Variants in NUP93 observed in about 807,000 individuals in gnomAD.
The protein encoded by NUP93 is nucleoporin 93.
NUP93 carries 55 observed loss-of-function variants against 107.8 expected under a neutral mutation model. That is an observed-to-expected ratio of 0.51 (90% CI 0.41 to 0.64). The LOEUF (loss-of-function observed/expected upper bound fraction) is 0.64, where lower values mean the gene tolerates loss of function less well. Among genes scored for constraint, NUP93 ranks in the 30% least tolerant of loss-of-function variants. NUP93 has a pLI of 0.00. For synonymous variants in NUP93, 390 were observed against 397.5 expected (o/e 0.98, Z 0.22); for missense variants, 937 against 1,044.7 (o/e 0.90, Z 1.42).
rs542472718 is a variant in NUP93, at chr16:56,836,722, A to C, written c.1899+5A>C. 5.6e-5 allele frequency: 88 copies of C among 1,583,356 alleles called. No individual in the cohort carries two copies. The South Asian group carries it at 9.3e-4, about 17-fold the overall frequency. ...AAGCTGTATGACCTTGCCAAGGTAA[A>C]GTGTGCCCACTTCCTTCTTTTGCAC... is the stretch of plus-strand genomic sequence containing the variant. On this transcript the variant is annotated splice_donor_5th_base_variant and intron_variant, in intron 17 of 21. Transcript: ENST00000308159.
Position 56,785,565 on chromosome 16 carries a change from A to G in NUP93, c.298-12911A>G, listed in dbSNP as rs115419395. Among the ~76,000 whole-genome samples the G allele has an allele frequency of 5.1e-3, 772 of 152,334 alleles. 11 individuals carry two copies. Among genetic ancestry groups the G allele is most frequent in the African/African-American group, 0.018 (743 of 41,568 alleles). ...GTATCAAACCTTTTACTGCTCTGACAGTACCATAATGTGGATAAGCAAGCA... is the reference window on the plus strand; with the variant it reads ...GTATCAAACCTTTTACTGCTCTGACGGTACCATAATGTGGATAAGCAAGCA... On this transcript the variant is annotated intron_variant, in intron 3 of 21. Coordinates refer to ENST00000308159, the MANE Select transcript of NUP93 (RefSeq NM_014669.5).
chr16:56,837,453 C>T (rs1294657198), intron 17 of NUP93, among the ~76,000 whole-genome samples, 155 bp from the exon 18 acceptor site: 1 of 152,214 alleles, frequency 6.6e-6, no homozygotes, highest in Non-Finnish European at 1.5e-5. Context: ...ATCCCAGCTG[C>T]TCAGGAGGCT....
At chr16:56,750,780 A>G (rs576600926) in intron 2 of NUP93, among the ~76,000 whole-genome samples, 73 of 152,324 alleles carry the variant, frequency 4.8e-4, no homozygotes, top group Admixed American at 1.3e-3. Context: ...AATGTTTACT[A>G]TCTGCTGTTT....
In NUP93 at chr16:56,789,836, C is replaced by T. The variant is rs138146609; in HGVS notation, c.298-8640C>T. Among the ~76,000 whole-genome samples, 1,077 of 152,286 alleles carry T rather than the reference C, an allele frequency of 7.1e-3. 15 individuals carry two copies. Among genetic ancestry groups the T allele is most frequent in the African/African-American group, 0.024 (1,013 of 41,540 alleles). On this transcript the variant is annotated intron_variant, in intron 3 of 21. Coordinates refer to ENST00000308159, the MANE Select transcript of NUP93 (RefSeq NM_014669.5). ...CAACAGGGCCAGGTGCAGTGGCTCACGCCTGTAATTCCTGCACTTTGGGAG... is the reference window on the plus strand; with the variant it reads ...CAACAGGGCCAGGTGCAGTGGCTCATGCCTGTAATTCCTGCACTTTGGGAG...
intron 3 of NUP93, among the ~76,000 whole-genome samples, chr16:56,793,088 G>A (rs1160357299): frequency 6.6e-6 from 1 of 152,172 alleles, no homozygotes; most frequent in Non-Finnish European, 1.5e-5. Flanking sequence ...TCTTTGAATT[G>A]CCTAGAGCAG....
intron 1 of NUP93, among the ~76,000 whole-genome samples, chr16:56,744,195 A>G (rs1222818404): frequency 6.6e-6 from 1 of 152,100 alleles, no homozygotes; most frequent in Admixed American, 6.5e-5. Context: ...GATTTTCCCA[A>G]CACATGGCTT....
chr16:56,763,799 A>G (rs951136322), intron 3 of NUP93, among the ~76,000 whole-genome samples: 1 of 151,636 alleles, frequency 6.6e-6, no homozygotes, highest in Non-Finnish European at 1.5e-5. Flanking sequence ...TGTTGTTGGA[A>G]TTGACTTAGC....
intron 5 of NUP93, among the ~76,000 whole-genome samples, chr16:56,815,931 A>G (rs1444029362): frequency 8.8e-5 from 8 of 90,676 alleles, no homozygotes; most frequent in East Asian, 2.4e-4. Flanking sequence ...TGCTGCTGCT[A>G]CCACTACTAC....
chr16:56,740,023 G>T (rs80303638), intron 1 of NUP93, among the ~76,000 whole-genome samples: 12 of 19,010 alleles, frequency 6.3e-4, no homozygotes, highest in African/African-American at 1.2e-3. Flanking sequence ...TAGGGGCGGC[G>T]GGGCAGAGGC....
chr16:56,842,468 C>T (rs1415796800), intron 21 of NUP93: 3 of 390,320 alleles, frequency 7.7e-6, no homozygotes, highest in Non-Finnish European at 1.5e-5. Flanking sequence ...CTGGGGCTCA[C>T]AGCATATGTT....
Position 56,758,670 on chromosome 16 carries a change from G to A in NUP93, c.297+15G>A. 6.3e-7 allele frequency: 1 copy of A among 1,585,852 alleles called. No homozygotes were observed. Among genetic ancestry groups the A allele is most frequent in the Non-Finnish European group, 8.7e-7 (1 of 1,154,396 alleles). ...CTGACATTCAGGTAAGGGCTGCCAA[G>A]TGCAGGTGGAACCCAGAGCATATAA... On this transcript the variant is annotated intron_variant, in intron 3 of 21. Transcript: ENST00000308159.
chr16:56,793,350 C>CTT lies in NUP93; in HGVS notation c.298-5125_298-5124dup, dbSNP rs543545858. 2.1e-3 allele frequency among the ~76,000 whole-genome samples: 312 copies of CTT among 152,140 alleles called. 1 individual carries two copies. The highest frequency in any genetic ancestry group is 7.1e-3 in the African/African-American group (296 of 41,490). On this transcript the variant is annotated intron_variant, in intron 3 of 21. Transcript: ENST00000308159. ...GGGGGACTGTGAGCAATTACAAGTG[C>CTT]TTGTTGATGGGAATGAAGGGATAGT... is the stretch of plus-strand genomic sequence containing the variant.
intron 3 of NUP93, among the ~76,000 whole-genome samples, chr16:56,778,410 A>G (rs969806594): frequency 2.0e-5 from 3 of 152,172 alleles, no homozygotes; most frequent in African/African-American, 7.2e-5. Flanking sequence ...GTTTCGAAGC[A>G]GGTAAATATT....
rs552893176 is a variant in NUP93 at position 56,841,706 on chromosome 16, T to C, written c.2222T>C (p.Ile741Thr). 2.0e-5 allele frequency: 32 copies of C among 1,613,930 alleles called. No homozygotes were observed. Among genetic ancestry groups the C allele is most frequent in the Non-Finnish European group, 2.6e-5 (31 of 1,179,958 alleles). The change falls in exon 21 of 22, where the codon ATC (isoleucine) becomes ACC (threonine). Residue 741 changes from isoleucine (I) to threonine (T), a missense_variant and splice_region_variant. By Grantham distance (89) the Ile-to-Thr change is moderately conservative. Coordinates refer to ENST00000308159, the MANE Select transcript of NUP93 (RefSeq NM_014669.5). ...VAAFRNFSDE[I>T]RHNLSEVLLA... Reference sequence around the variant, plus strand: ...TACTCTGTTTTTCTCTCTATGTAGATCAGGCACAACCTCTCAGAAGTGCTT... The same window carrying C: ...TACTCTGTTTTTCTCTCTATGTAGACCAGGCACAACCTCTCAGAAGTGCTT...
chr16:56,739,709 G>T (rs1237551087), intron 1 of NUP93, among the ~76,000 whole-genome samples: 9 of 136,280 alleles, frequency 6.6e-5, no homozygotes, highest in African/African-American at 2.3e-4. Context: ...GGGGCGGCTG[G>T]CCGGGCGGGG....
intron 2 of NUP93, among the ~76,000 whole-genome samples, chr16:56,755,090 G>C (rs1433441568): frequency 1.3e-5 from 2 of 152,090 alleles, no homozygotes; most frequent in African/African-American, 4.8e-5. Flanking sequence ...TTCCTCAAAA[G>C]ATTAAGCATA....
At chr16:56,823,617 C>T in intron 7 of NUP93, 90 bp from the exon 8 acceptor site, 2 of 1,460,120 alleles carry the variant, frequency 1.4e-6, no homozygotes. Flanking sequence ...CCACCACATT[C>T]TGCCCCCTTT....
At chr16:56,823,940 T>G (rs1963604690) in intron 8 of NUP93, 94 bp downstream of exon 8, 1 of 1,431,390 alleles carries the variant, frequency 7.0e-7, no homozygotes, top group Non-Finnish European at 9.4e-7. Context: ...AGGTGTGCTG[T>G]AGGTATAATT....
At chr16:56,808,658 A>G (rs1963235097) in intron 5 of NUP93, among the ~76,000 whole-genome samples, 1 of 136,174 alleles carries the variant, frequency 7.3e-6, no homozygotes, top group Non-Finnish European at 1.5e-5. Context: ...ATAAAAATAC[A>G]TATATTTATA....
Sources: allele counts gnomAD v4.1 joint callset (sites outside exome capture counted in the v4.1 genomes callset), GRCh38; gene constraint gnomAD v4.1.1; transcripts MANE v1.5; gene names NCBI Gene and HGNC (gene_info 2026-07-23, HGNC 2026-07-21).